MPDZ: variants seen among roughly 807,000 people sequenced by gnomAD.
MPDZ encodes the protein multiple PDZ domain crumbs cell polarity complex component, also known as multiple PDZ domain protein.
In MPDZ, 234 loss-of-function variants were observed where a neutral mutation model predicts 239.1. The ratio of observed to expected loss-of-function variants is 0.98; its 90% CI spans 0.88 to 1.09. The LOEUF is 1.09. MPDZ is among the 50% of genes least tolerant of loss of function. The pLI is 0.00. For synonymous variants in MPDZ, 1,048 were observed against 881.3 expected (o/e 1.19, Z -3.35); for missense variants, 3,175 against 2,510.0 (o/e 1.26, Z -5.66).
Position 13,165,424 on chromosome 9 carries a change from T to C in MPDZ, c.3255-2629A>G, listed in dbSNP as rs200332145. The C allele has an allele frequency of 1.2e-3, 1,857 of 1,548,696 alleles. 17 individuals are homozygous for C. Among genetic ancestry groups the C allele is most frequent in the South Asian group, 0.01 (875 of 83,668 alleles). On this transcript the variant is annotated intron_variant, in intron 22 of 46. Transcript: ENST00000319217. ...TGCAGAAAATCTAGAATGTGAAGCA[T>C]ACGCCGCGGCATCTTTTTACAATGG...
chr9:13,150,276 C>A (rs1386491046), intron 25 of MPDZ, among the ~76,000 whole-genome samples: 1 of 151,574 alleles, frequency 6.6e-6, no homozygotes, highest in Non-Finnish European at 1.5e-5. Context: ...GAGAAAATTA[C>A]GTATGAAAAT....
chr9:13,171,008 A>G (rs1951714962), intron 21 of MPDZ, among the ~76,000 whole-genome samples: 1 of 152,198 alleles, frequency 6.6e-6, no homozygotes, highest in Non-Finnish European at 1.5e-5. Flanking sequence ...TTGTAAATAG[A>G]GAACTGGTTA....
chr9:13,125,529 G>T, intron 34 of MPDZ, 139 bp from the exon 35 acceptor site: 1 of 747,492 alleles, frequency 1.3e-6, no homozygotes, highest in Non-Finnish European at 2.0e-6. Flanking sequence ...TCTTTGTCAG[G>T]ACTTGGGTAA....
chr9:13,114,925 TAAATA>T (rs1563823886), intron 40 of MPDZ, among the ~76,000 whole-genome samples: 1 of 151,764 alleles, frequency 6.6e-6, no homozygotes. Context: ...ATAAATAAAA[TAAATA>T]AAATAATAAA....
chr9:13,259,156 C>G (rs1160152940), intron 1 of MPDZ, among the ~76,000 whole-genome samples: 1 of 152,154 alleles, frequency 6.6e-6, no homozygotes, highest in African/African-American at 2.4e-5. Context: ...TTTCACGCTT[C>G]CTGTGAAACT....
intron 1 of MPDZ, among the ~76,000 whole-genome samples, chr9:13,254,559 T>A (rs1968946589): frequency 6.6e-6 from 1 of 152,082 alleles, no homozygotes; most frequent in Non-Finnish European, 1.5e-5. Flanking sequence ...TATGTATTTA[T>A]AAAAATAAAA....
intron 2 of MPDZ, among the ~76,000 whole-genome samples, chr9:13,249,930 AAAGT>A (rs545774287): frequency 4.6e-5 from 7 of 152,346 alleles, no homozygotes; most frequent in African/African-American, 1.7e-4. Flanking sequence ...GCCAGAAGTA[AAAGT>A]AATATCTTCT....
intron 18 of MPDZ, 59 bp from the exon 19 acceptor site, chr9:13,183,644 A>C: frequency 6.4e-7 from 1 of 1,552,088 alleles, no homozygotes; most frequent in Non-Finnish European, 8.8e-7. Context: ...TATGACAAAC[A>C]ATCTCCACTT....
At chr9:13,273,542 A>C (rs990125742) in intron 1 of MPDZ, among the ~76,000 whole-genome samples, 4 of 152,202 alleles carry the variant, frequency 2.6e-5, no homozygotes, top group African/African-American at 9.6e-5. Flanking sequence ...AATAATTGCC[A>C]TTCTGTATAT....
intron 10 of MPDZ, among the ~76,000 whole-genome samples, chr9:13,215,753 G>GGTTT (rs372869059): frequency 1.1e-5 from 1 of 89,050 alleles, no homozygotes; most frequent in Admixed American, 1.8e-4. Flanking sequence ...TCTATTGCAG[G>GGTTT]TTTTTTTTTT....
chr9:13,195,115 C>G (rs991126701), intron 13 of MPDZ, among the ~76,000 whole-genome samples: 2 of 151,910 alleles, frequency 1.3e-5, no homozygotes, highest in Non-Finnish European at 2.9e-5. Context: ...TGGCAAAACC[C>G]AGTCTCTACA....
intron 22 of MPDZ, among the ~76,000 whole-genome samples, chr9:13,163,096 AT>A (rs552723217): frequency 6.6e-6 from 1 of 151,944 alleles, no homozygotes; most frequent in Admixed American, 6.6e-5. Context: ...GCTAACAACA[AT>A]TTTTTTTAAA....
chr9:13,259,407 C>G (rs573620642), intron 1 of MPDZ, among the ~76,000 whole-genome samples: 2 of 152,238 alleles, frequency 1.3e-5, no homozygotes, highest in Admixed American at 6.5e-5. Flanking sequence ...TTCTGTCATT[C>G]ACTGATTCTG....
At chr9:13,146,907 T>G (rs1177731531) in intron 26 of MPDZ, among the ~76,000 whole-genome samples, 1 of 152,066 alleles carries the variant, frequency 6.6e-6, no homozygotes, top group African/African-American at 2.4e-5. Context: ...TTCTAAAATG[T>G]TTTTTAATGC....
chr9:13,132,957 A>G (rs745855157), intron 32 of MPDZ, among the ~76,000 whole-genome samples: 3 of 152,208 alleles, frequency 2.0e-5, no homozygotes, highest in Non-Finnish European at 2.9e-5. Flanking sequence ...GAATATACTA[A>G]GCCTTAGATG....
chr9:13,234,820 T>G (rs1434987668), intron 3 of MPDZ, among the ~76,000 whole-genome samples: 1 of 151,470 alleles, frequency 6.6e-6, no homozygotes, highest in Non-Finnish European at 1.5e-5. Flanking sequence ...ATGCAGAATT[T>G]TTTTTTTTAA....
chr9:13,276,749 A>C (rs992877124), intron 1 of MPDZ: 2 of 152,208 alleles, frequency 1.3e-5, no homozygotes, highest in African/African-American at 4.8e-5. Context: ...AATATACAAA[A>C]TGTAGCCAAC....
At chr9:13,248,976 CAAAAAAAAAAAAAAAAAA>C (rs71331534) in intron 2 of MPDZ, among the ~76,000 whole-genome samples, 3 of 35,820 alleles carry the variant, frequency 8.4e-5, no homozygotes, top group African/African-American at 1.8e-4. Flanking sequence ...GACTCCATCT[CAAAAAAAAAAAAAAAAAA>C]AAAAAAAAAA....
At chr9:13,141,802 G>C (rs1488292681) in intron 27 of MPDZ, among the ~76,000 whole-genome samples, 1 of 152,138 alleles carries the variant, frequency 6.6e-6, no homozygotes, top group Non-Finnish European at 1.5e-5. Context: ...GACTGATAGA[G>C]ATTTAAGGGC....
Sources: gnomAD v4.1 joint callset for allele counts (sites outside exome capture counted in the v4.1 genomes callset) on GRCh38, gnomAD v4.1.1 for gene constraint, MANE v1.5 for transcripts, NCBI Gene and HGNC (gene_info 2026-07-23, HGNC 2026-07-21) for gene names.